The following CDH7 variants were observed in gnomAD, a reference collection of about 807,000 sequenced individuals.
CDH7 encodes the protein cadherin-7.
A neutral mutation model predicts 71.8 loss-of-function variants in CDH7; 25 were observed. The observed-to-expected ratio is 0.35, with a 90% CI of 0.25 to 0.49. The LOEUF (loss-of-function observed/expected upper bound fraction) is 0.49. CDH7 is among the 20% of genes least tolerant of loss of function. CDH7 has a pLI of 0.99. For missense variants in CDH7, 862 were observed against 974.6 expected, an observed-to-expected ratio of 0.88 and a Z score of 1.54; for synonymous variants, 381 against 363.8, an observed-to-expected ratio of 1.05 and a Z score of -0.54.
chr18:65,806,336 A>G (rs1484719), intron 2 of CDH7, among the ~76,000 whole-genome samples: 90,338 of 151,712 alleles, frequency 0.6, 28,844 homozygotes, highest in East Asian at 0.97. Flanking sequence ...CAAAACAAAT[A>G]CTTTGAAAAG....
Position 65,872,631 on chromosome 18 carries a change from C to G in CDH7, c.1865-7770C>G, listed in dbSNP as rs565593870. ...GGAAATTAAGCTGGGAGCAATGACT[C>G]ATGACTGTAATCCCAGCAGTTTGGG... On this transcript the variant is annotated intron_variant, in intron 11 of 11. Transcript: ENST00000397968. Among the ~76,000 whole-genome samples, 52 of 152,272 alleles carry G rather than the reference C, an allele frequency of 3.4e-4. No individual in the cohort carries two copies. The South Asian group carries it at 9.5e-3, about 28-fold the overall frequency.
intron 6 of CDH7, among the ~76,000 whole-genome samples, chr18:65,839,362 C>A (rs974831732): frequency 2.6e-5 from 4 of 152,130 alleles, no homozygotes; most frequent in Non-Finnish European, 5.9e-5. Context: ...ATCCTGTGTC[C>A]TCTCATGGCA....
intron 2 of CDH7, among the ~76,000 whole-genome samples, chr18:65,767,591 AAGAC>A (rs1169656168): frequency 6.6e-6 from 1 of 152,158 alleles, no homozygotes; most frequent in Admixed American, 6.5e-5. Flanking sequence ...GAAGAAAACA[AAGAC>A]AGTTTATTTT....
intron 2 of CDH7, among the ~76,000 whole-genome samples, chr18:65,796,227 C>T (rs2143869866): frequency 6.6e-6 from 1 of 152,182 alleles, no homozygotes; most frequent in South Asian, 2.1e-4. Flanking sequence ...AAACACAGAT[C>T]GTCACTCCCA....
chr18:65,830,655 T>TTC (rs1184288724), intron 6 of CDH7, among the ~76,000 whole-genome samples: 5 of 91,592 alleles, frequency 5.5e-5, no homozygotes, highest in African/African-American at 1.4e-4. Flanking sequence ...TTTCCTGTCT[T>TTC]TCTCTCTCTC....
At chr18:65,770,618 A>G (rs1916513660) in intron 2 of CDH7, among the ~76,000 whole-genome samples, 1 of 152,174 alleles carries the variant, frequency 6.6e-6, no homozygotes, top group African/African-American at 2.4e-5. Context: ...ATCTTTGGAA[A>G]GCCTTGTGAA....
At chr18:65,818,976 A>T (rs1911820613) in intron 4 of CDH7, among the ~76,000 whole-genome samples, 1 of 152,064 alleles carries the variant, frequency 6.6e-6, no homozygotes, top group Non-Finnish European at 1.5e-5. Context: ...AGCAGGACTG[A>T]TTTTCCGGTC....
intron 2 of CDH7, among the ~76,000 whole-genome samples, chr18:65,790,406 A>G (rs1356463209): frequency 6.6e-6 from 1 of 151,998 alleles, no homozygotes; most frequent in African/African-American, 2.4e-5. Context: ...CTTGATTGTT[A>G]ACAGGGCCCC....
Position 65,884,693 on chromosome 18 carries a change from T to G in CDH7, c.*3799T>G, listed in dbSNP as rs905764657. On this transcript the variant is annotated 3_prime_UTR_variant, in exon 12 of 12. Coordinates refer to ENST00000397968, the MANE Select transcript of CDH7 (RefSeq NM_004361.5). ...TTAGCATTTATATTGAAATATAAAA[T>G]CTAAAGCAGCTTAAAATAAGCTAAG... 6.6e-6 allele frequency: 1 copy of G among 152,098 alleles called. No individual in the cohort carries two copies. Among genetic ancestry groups the G allele is most frequent in the African/African-American group, 2.4e-5 (1 of 41,428 alleles). 9.4% of individuals were successfully genotyped at this position (152,098 alleles called of 1,614,324 possible). A position where few individuals can be genotyped will look rare whatever the true frequency, so the allele number is the denominator to read the frequency against.
intron 2 of CDH7, among the ~76,000 whole-genome samples, chr18:65,786,794 C>G (rs1412204991): frequency 6.6e-6 from 1 of 152,064 alleles, no homozygotes; most frequent in East Asian, 1.9e-4. Context: ...AACAATCATC[C>G]CACCTCAGCC....
chr18:65,859,652 G>A lies in CDH7; in HGVS notation c.1495-56G>A, dbSNP rs1913488294. 5 of 1,066,188 alleles carry A rather than the reference G, an allele frequency of 4.7e-6. No individual in the cohort carries two copies. The Admixed American group carries it at 8.6e-5, about 18-fold the overall frequency. 66.0% of individuals were successfully genotyped at this position (1,066,188 alleles called of 1,614,324 possible). On this transcript the variant is annotated intron_variant, in intron 9 of 11. Coordinates refer to ENST00000397968, the MANE Select transcript of CDH7 (RefSeq NM_004361.5). ...TGTAAAATTGCTTTGTCCTGCCACAGAAAACTAAGCATAGCACACCAATGT... is the reference window on the plus strand; with the variant it reads ...TGTAAAATTGCTTTGTCCTGCCACAAAAAACTAAGCATAGCACACCAATGT...
At chr18:65,826,622 T>C (rs550404405) in intron 6 of CDH7, among the ~76,000 whole-genome samples, 245 of 149,980 alleles carry the variant, frequency 1.6e-3, no homozygotes, top group African/African-American at 5.8e-3. Flanking sequence ...ATGTTAAAAA[T>C]GTTAATAGTA....
chr18:65,776,634 C>T (rs1001953825), intron 2 of CDH7, among the ~76,000 whole-genome samples: 9 of 152,120 alleles, frequency 5.9e-5, no homozygotes, highest in Non-Finnish European at 1.3e-4. Context: ...CCTTCTTTCT[C>T]TCTCTTTTTC....
chr18:65,850,851 G>A (rs1213638453), intron 7 of CDH7, among the ~76,000 whole-genome samples: 2 of 137,544 alleles, frequency 1.5e-5, no homozygotes, highest in African/African-American at 5.3e-5. Context: ...TCAGTCTATC[G>A]CCCAGGCTGG....
chr18:65,832,392 A>G (rs1182259565), intron 6 of CDH7, among the ~76,000 whole-genome samples: 1 of 152,090 alleles, frequency 6.6e-6, no homozygotes, highest in Non-Finnish European at 1.5e-5. Context: ...GAAAATGAAA[A>G]AATGCTGTTG....
Position 65,889,175 on chromosome 18 carries a change from G to A in CDH7, c.*8281G>A, listed in dbSNP as rs941789149. The A allele has an allele frequency of 6.6e-6, 1 of 152,050 alleles. No homozygotes were observed. The highest frequency in any genetic ancestry group is 2.4e-5 in the African/African-American group (1 of 41,378). 9.4% of individuals were successfully genotyped at this position (152,050 alleles called of 1,614,324 possible). ...AACACGGCAGACCAGATTTTCTGAG[G>A]GTTACCCGCTATGCAGATTCATAAA... is the stretch of plus-strand genomic sequence containing the variant. On this transcript the variant is annotated 3_prime_UTR_variant, in exon 12 of 12. Coordinates refer to ENST00000397968, the MANE Select transcript of CDH7 (RefSeq NM_004361.5).
At chr18:65,767,461 C>T (rs1327840933) in intron 2 of CDH7, among the ~76,000 whole-genome samples, 12 of 151,906 alleles carry the variant, frequency 7.9e-5, no homozygotes, top group African/African-American at 9.7e-5. Flanking sequence ...CAAGTATGAG[C>T]GACAAGAAAG....
chr18:65,853,661 A>G (rs753458029), intron 7 of CDH7, among the ~76,000 whole-genome samples: 35 of 151,762 alleles, frequency 2.3e-4, no homozygotes, highest in Non-Finnish European at 4.3e-4. Context: ...GTTCAGTCTA[A>G]TCCTTGTCTT....
chr18:65,770,313 T>G (rs911400179), intron 2 of CDH7, among the ~76,000 whole-genome samples: 3 of 152,302 alleles, frequency 2.0e-5, no homozygotes, highest in Middle Eastern at 3.4e-3. Flanking sequence ...CTCCCCACAT[T>G]GCCTACAAAA....
Sources: allele counts gnomAD v4.1 joint callset (sites outside exome capture counted in the v4.1 genomes callset), GRCh38; gene constraint gnomAD v4.1.1; transcripts MANE v1.5; gene names NCBI Gene and HGNC (gene_info 2026-07-23, HGNC 2026-07-21).